GRID2: variants seen among roughly 807,000 people sequenced by gnomAD.
The protein encoded by GRID2 is glutamate receptor ionotropic, delta-2.
GRID2 carries 33 observed loss-of-function variants against 114.8 expected under a neutral mutation model. The ratio of observed to expected loss-of-function variants is 0.29; its 90% confidence interval spans 0.22 to 0.38. The LOEUF (loss-of-function observed/expected upper bound fraction) is 0.38, where lower values mean the gene tolerates loss of function less well. GRID2 is among the 10% of genes least tolerant of loss of function. The pLI, the probability that GRID2 is intolerant of heterozygous loss-of-function variation, is 1.00. For synonymous variants in GRID2, 505 were observed against 449.9 expected (o/e 1.12, Z -1.55); for missense variants, 1,184 against 1,257.7 (o/e 0.94, Z 0.89).
At chr4:93,164,868 C>T (rs1412347765) in intron 4 of GRID2, 2 of 288,256 alleles carry the variant, frequency 6.9e-6, no homozygotes, top group Admixed American at 3.7e-5. Context: ...TCATGCGTAC[C>T]TCTGATATTG....
At chr4:92,703,644 T>TAA (rs1426791325) in intron 2 of GRID2, among the ~76,000 whole-genome samples, 8 of 138,880 alleles carry the variant, frequency 5.8e-5, no homozygotes, top group African/African-American at 1.3e-4. Context: ...TATATATATA[T>TAA]AAAATCATGA....
chr4:92,750,996 G>A (rs150463252), intron 2 of GRID2, among the ~76,000 whole-genome samples: 17 of 152,112 alleles, frequency 1.1e-4, no homozygotes, highest in African/African-American at 3.6e-4. Context: ...TAAGAAAATC[G>A]TATTTCACTA....
chr4:92,651,724 C>T (rs1048945241), intron 2 of GRID2, among the ~76,000 whole-genome samples: 7 of 152,026 alleles, frequency 4.6e-5, no homozygotes, highest in African/African-American at 1.7e-4. Context: ...CACATCTGGC[C>T]ATTTCTCCTT....
At chr4:93,597,172 C>G (rs1285584965) in intron 13 of GRID2, among the ~76,000 whole-genome samples, 1 of 152,150 alleles carries the variant, frequency 6.6e-6, no homozygotes, top group Admixed American at 6.6e-5. Context: ...TTCAATTAAA[C>G]AAACAATAAC....
chr4:92,669,510 C>G (rs780415693), intron 2 of GRID2, among the ~76,000 whole-genome samples: 1 of 151,902 alleles, frequency 6.6e-6, no homozygotes, highest in African/African-American at 2.4e-5. Flanking sequence ...CTCTGACTTG[C>G]TGGGAAACAG....
At chr4:92,847,386 TC>T (rs1326278975) in intron 2 of GRID2, among the ~76,000 whole-genome samples, 2 of 152,064 alleles carry the variant, frequency 1.3e-5, no homozygotes, top group African/African-American at 4.8e-5. Context: ...TTCTTGGGCT[TC>T]TTTGCCATAA....
intron 11 of GRID2, among the ~76,000 whole-genome samples, chr4:93,484,706 T>C (rs1366732606): frequency 6.6e-6 from 1 of 151,904 alleles, no homozygotes; most frequent in Non-Finnish European, 1.5e-5. Flanking sequence ...TGGTCACCTA[T>C]AGTTGGCTGA....
In GRID2 at chr4:92,595,740, T is replaced by C. The variant is rs558818746; in HGVS notation, c.244+5454T>C. Among the ~76,000 whole-genome samples the C allele has an allele frequency of 2.6e-5, 4 of 152,246 alleles. No homozygotes were observed. The East Asian group carries it at 5.8e-4, about 22-fold the overall frequency. On this transcript the variant is annotated intron_variant, in intron 2 of 15. Coordinates refer to ENST00000282020, the MANE Select transcript of GRID2 (RefSeq NM_001510.4). ...TAAAAATACATACATATTTATTTCA[T>C]GTGTGTAAATGGGATGACAGGAAAT...
chr4:93,669,555 A>T (rs1240249117), intron 14 of GRID2, among the ~76,000 whole-genome samples: 1 of 152,078 alleles, frequency 6.6e-6, no homozygotes, highest in African/African-American at 2.4e-5. Flanking sequence ...AACTAATGAA[A>T]CTCACTGTAA....
chr4:93,656,847 A>C (rs1278898055), intron 14 of GRID2, among the ~76,000 whole-genome samples: 1 of 148,176 alleles, frequency 6.7e-6, no homozygotes, highest in Non-Finnish European at 1.5e-5. Context: ...AAAAAAAAAA[A>C]AAAAAAAAAA....
chr4:93,596,285 A>C (rs1005652084), intron 13 of GRID2, among the ~76,000 whole-genome samples: 1 of 152,252 alleles, frequency 6.6e-6, no homozygotes, highest in Non-Finnish European at 1.5e-5. Flanking sequence ...TTAGAAAATA[A>C]AGGCTACTTG....
At chr4:93,285,280 G>C (rs1753034017) in intron 8 of GRID2, among the ~76,000 whole-genome samples, 1 of 151,968 alleles carries the variant, frequency 6.6e-6, no homozygotes, top group Non-Finnish European at 1.5e-5. Context: ...TAGAACATTA[G>C]AATTCAAGTT....
At chr4:92,490,875 CATCATTAA>C (rs1262888894) in intron 1 of GRID2, among the ~76,000 whole-genome samples, 1 of 152,012 alleles carries the variant, frequency 6.6e-6, no homozygotes, top group Non-Finnish European at 1.5e-5. Context: ...GCCTGTTTTG[CATCATTAA>C]CCGTAAGTGT....
intron 2 of GRID2, among the ~76,000 whole-genome samples, chr4:92,722,787 T>C (rs926485469): frequency 1.3e-5 from 2 of 152,106 alleles, no homozygotes; most frequent in South Asian, 2.1e-4. Flanking sequence ...TAAGATTATT[T>C]AGAGAAAAGT....
chr4:93,092,695 A>C (rs993893610), intron 3 of GRID2, among the ~76,000 whole-genome samples: 2 of 152,010 alleles, frequency 1.3e-5, no homozygotes, highest in African/African-American at 4.8e-5. Flanking sequence ...AGTAACCCTG[A>C]TGTAATCTTG....
At chr4:93,088,372 A>T in intron 3 of GRID2, among the ~76,000 whole-genome samples, 1 of 152,190 alleles carries the variant, frequency 6.6e-6, no homozygotes, top group South Asian at 2.1e-4. Flanking sequence ...GCTCAGTGCA[A>T]TGCAAACTAT....
intron 1 of GRID2, among the ~76,000 whole-genome samples, chr4:92,544,721 A>G (rs1404385964): frequency 6.6e-6 from 1 of 152,122 alleles, no homozygotes; most frequent in Non-Finnish European, 1.5e-5. Context: ...TTTTTAATTT[A>G]TCTATTTTCC....
chr4:92,316,327 T>A (rs1253253779), intron 1 of GRID2, among the ~76,000 whole-genome samples: 1 of 152,160 alleles, frequency 6.6e-6, no homozygotes, highest in Non-Finnish European at 1.5e-5. Context: ...TTTTAACACC[T>A]TATTAATGTG....
chr4:92,987,223 AT>A (rs570366395), intron 2 of GRID2, among the ~76,000 whole-genome samples: 2 of 151,700 alleles, frequency 1.3e-5, no homozygotes, highest in Non-Finnish European at 2.9e-5. Context: ...GACTGATAAA[AT>A]TTTTTTTTAG....
Sources: gnomAD v4.1 joint callset for allele counts (sites outside exome capture counted in the v4.1 genomes callset) on GRCh38, gnomAD v4.1.1 for gene constraint, MANE v1.5 for transcripts, NCBI Gene and HGNC (gene_info 2026-07-23, HGNC 2026-07-21) for gene names.